The following RPRD2 variants were observed in gnomAD, a reference collection of about 807,000 sequenced individuals.
RPRD2 encodes the protein regulation of nuclear pre-mRNA domain containing 2, also known as regulation of nuclear pre-mRNA domain-containing protein 2.
RPRD2 carries 12 observed loss-of-function variants against 104.4 expected under a neutral mutation model. That is an observed-to-expected ratio of 0.11 (90% CI 0.07 to 0.19). The LOEUF is 0.19. Ranked by LOEUF, RPRD2 falls within the 10% of genes least tolerant of loss-of-function variation. The pLI is 1.00. For missense variants in RPRD2, 1,543 were observed against 1,790.1 expected (o/e 0.86, Z 2.49); for synonymous variants, 714 against 684.9 (o/e 1.04, Z -0.66).
intron 9 of RPRD2, 107 bp from the exon 10 acceptor site, chr1:150,464,420 C>A: frequency 2.6e-6 from 2 of 775,322 alleles, no homozygotes; most frequent in Non-Finnish European, 2.1e-6. Flanking sequence ...GGATCAACCA[C>A]AGAAGAATTC....
chr1:150,385,513 A>G (rs1661496971), intron 1 of RPRD2, among the ~76,000 whole-genome samples: 1 of 152,236 alleles, frequency 6.6e-6, no homozygotes, highest in Admixed American at 6.5e-5. Flanking sequence ...TAATATTTTA[A>G]GTATTATCAT....
intron 2 of RPRD2, among the ~76,000 whole-genome samples, chr1:150,418,128 C>T (rs1664499037): frequency 1.3e-5 from 2 of 152,004 alleles, no homozygotes; most frequent in African/African-American, 4.8e-5. Context: ...CTACCATGTC[C>T]GGCTAATTTT....
intron 1 of RPRD2, among the ~76,000 whole-genome samples, chr1:150,387,645 G>T (rs1358642307): frequency 7.9e-6 from 1 of 126,346 alleles, no homozygotes; most frequent in Non-Finnish European, 1.6e-5. Flanking sequence ...AGGCTGGAGT[G>T]CAGTGGCGTG....
intron 1 of RPRD2, among the ~76,000 whole-genome samples, chr1:150,367,923 A>T (rs782782164): frequency 1.5e-4 from 23 of 152,056 alleles, no homozygotes; most frequent in Middle Eastern, 3.2e-3. Context: ...GGGTTTTACC[A>T]TGTTGGCCAG....
Position 150,471,897 on chromosome 1 carries a change from TC to T in RPRD2, c.2952del (p.Thr985ArgfsTer65), listed in dbSNP as rs1668612131. The part of the protein sequence containing the change: ...LFSPQNTLAA[P>X]TGHPPTSGVE... Reference sequence around the variant, plus strand: ...TCTCTCCGCAGAACACCCTTGCCGCTCCCACGGGTCACCCACCCACGTCAGG... The same window carrying T: ...TCTCTCCGCAGAACACCCTTGCCGCTCCACGGGTCACCCACCCACGTCAGG... On this transcript the variant is annotated frameshift_variant, in exon 11 of 11. Coordinates refer to ENST00000369068, the MANE Select transcript of RPRD2 (RefSeq NM_015203.5). LOFTEE classifies it high-confidence loss of function. The surrounding 1 kb of genome is among the most constrained non-coding windows in gnomAD (Gnocchi z 5.3). The T allele has an allele frequency of 6.2e-7, 1 of 1,613,678 alleles. No homozygotes were observed. The highest frequency in any genetic ancestry group is 8.5e-7 in the Non-Finnish European group (1 of 1,179,854).
At chr1:150,437,030 A>C (rs587611334) in intron 2 of RPRD2, among the ~76,000 whole-genome samples, 2 of 152,326 alleles carry the variant, frequency 1.3e-5, no homozygotes, top group African/African-American at 4.8e-5. Context: ...ACATTGCGAG[A>C]CGTAGTCTCT....
intron 6 of RPRD2, among the ~76,000 whole-genome samples, chr1:150,445,517 A>G (rs909297289): frequency 6.6e-6 from 1 of 152,250 alleles, no homozygotes; most frequent in Non-Finnish European, 1.5e-5. Context: ...AAGAGATAAC[A>G]TCTTACTACC....
At chr1:150,441,855 A>G (rs781871871) in intron 3 of RPRD2, 26 bp from the exon 4 acceptor site, 1 of 1,590,828 alleles carries the variant, frequency 6.3e-7, no homozygotes, top group Non-Finnish European at 8.6e-7. Context: ...ATAATGCCAG[A>G]TTGCAAAAAC....
intron 10 of RPRD2, among the ~76,000 whole-genome samples, chr1:150,467,722 A>G (rs1283461739): frequency 6.6e-6 from 1 of 152,164 alleles, no homozygotes; most frequent in East Asian, 1.9e-4. Context: ...TAGGTTCCTT[A>G]TGGAATGTGG....
At chr1:150,468,052 C>T (rs1345102114) in intron 10 of RPRD2, among the ~76,000 whole-genome samples, 1 of 151,790 alleles carries the variant, frequency 6.6e-6, no homozygotes. Context: ...ACCCCAACTA[C>T]TTGGGAGGCT....
At chr1:150,439,022 A>G (rs1389386174) in intron 2 of RPRD2, among the ~76,000 whole-genome samples, 6 of 151,996 alleles carry the variant, frequency 3.9e-5, no homozygotes, top group African/African-American at 4.8e-5. Flanking sequence ...TTTAGTAGAG[A>G]CGGGGTTTCA....
At chr1:150,398,258 G>A (rs988757717) in intron 1 of RPRD2, among the ~76,000 whole-genome samples, 39 of 150,428 alleles carry the variant, frequency 2.6e-4, no homozygotes, top group African/African-American at 7.6e-4. Context: ...GTGCAGTGGC[G>A]CGATCTCGGC....
intron 1 of RPRD2, among the ~76,000 whole-genome samples, chr1:150,384,000 G>A (rs1338848465): frequency 6.6e-6 from 1 of 152,126 alleles, no homozygotes; most frequent in Non-Finnish European, 1.5e-5. Context: ...GGGTTTCACT[G>A]TCAAAGTTTA....
At chr1:150,382,146 T>A (rs1661183764) in intron 1 of RPRD2, among the ~76,000 whole-genome samples, 1 of 152,200 alleles carries the variant, frequency 6.6e-6, no homozygotes, top group African/African-American at 2.4e-5. Context: ...ATTCTTCCGA[T>A]TAATCCTGCG....
chr1:150,450,698 G>A (rs1464944401), intron 7 of RPRD2, among the ~76,000 whole-genome samples: 2 of 149,376 alleles, frequency 1.3e-5, no homozygotes, highest in Non-Finnish European at 3.0e-5. Flanking sequence ...TCGGCTCACT[G>A]CAACCCCCGC....
At chr1:150,419,301 T>G (rs1310885725) in intron 2 of RPRD2, among the ~76,000 whole-genome samples, 2 of 152,148 alleles carry the variant, frequency 1.3e-5, no homozygotes, top group African/African-American at 4.8e-5. Flanking sequence ...CTTCCTCAGA[T>G]TATATATTTA....
intron 1 of RPRD2, among the ~76,000 whole-genome samples, chr1:150,379,211 A>T (rs1166683900): frequency 1.3e-5 from 2 of 150,612 alleles, no homozygotes; most frequent in African/African-American, 2.4e-5. Flanking sequence ...TGAACCTGGG[A>T]GGCGGAGGTT....
intron 7 of RPRD2, among the ~76,000 whole-genome samples, chr1:150,454,623 G>A (rs917381819): frequency 7.2e-5 from 11 of 151,918 alleles, no homozygotes; most frequent in Non-Finnish European, 1.6e-4. Flanking sequence ...TGGGGCAGGC[G>A]GATCACCTGA....
At chr1:150,415,960 C>T (rs1429344204) in intron 1 of RPRD2, among the ~76,000 whole-genome samples, 1 of 152,080 alleles carries the variant, frequency 6.6e-6, no homozygotes, top group Non-Finnish European at 1.5e-5. Flanking sequence ...AGATTCGGGC[C>T]TGACAAGTGG....
Sources: gnomAD v4.1 joint callset for allele counts (sites outside exome capture counted in the v4.1 genomes callset) on GRCh38, gnomAD v4.1.1 for gene constraint, Gnocchi (gnomAD v3.1) non-coding constraint, MANE v1.5 for transcripts, NCBI Gene and HGNC (gene_info 2026-07-23, HGNC 2026-07-21) for gene names.